The following CMTM4 variants were observed in gnomAD, a reference collection of about 807,000 sequenced individuals.
CMTM4 encodes CKLF like MARVEL transmembrane domain containing 4.
CMTM4 carries 8 observed loss-of-function variants against 19.0 expected under a neutral mutation model. That is an observed-to-expected ratio of 0.42 (90% confidence interval 0.25 to 0.76). The LOEUF is 0.76. Among genes scored for constraint, CMTM4 ranks in the 30% least tolerant of loss-of-function variants. CMTM4 has a pLI of 0.27. For missense variants in CMTM4, 228 were observed against 290.2 expected (o/e 0.79, Z 1.56); for synonymous variants, 106 against 121.1 (o/e 0.88, Z 0.82).
chr16:66,695,365 A>T (rs770604849), intron 1 of CMTM4, among the ~76,000 whole-genome samples: 1 of 152,146 alleles, frequency 6.6e-6, no homozygotes, highest in African/African-American at 2.4e-5. Context: ...GAGAGAGAAC[A>T]AGAACAAGTG....
intron 1 of CMTM4, among the ~76,000 whole-genome samples, chr16:66,670,737 T>C (rs1596950985): frequency 6.6e-6 from 1 of 151,390 alleles, no homozygotes; most frequent in African/African-American, 2.4e-5. Context: ...GAGGTGGAGG[T>C]TGCAGTGAGC....
At chr16:66,626,410 C>A (rs537769240) in intron 2 of CMTM4, among the ~76,000 whole-genome samples, 1 of 152,092 alleles carries the variant, frequency 6.6e-6, no homozygotes, top group African/African-American at 2.4e-5. Flanking sequence ...TCAAGACCAC[C>A]CCTAGGCAAT....
intron 2 of CMTM4, among the ~76,000 whole-genome samples, chr16:66,628,523 C>T (rs1044622442): frequency 5.9e-5 from 9 of 152,216 alleles, no homozygotes; most frequent in African/African-American, 2.2e-4. Flanking sequence ...TAACAAGGCA[C>T]GTCCTGCACA....
intron 1 of CMTM4, among the ~76,000 whole-genome samples, chr16:66,674,054 G>C (rs2016760530): frequency 6.6e-6 from 1 of 152,262 alleles, no homozygotes; most frequent in Non-Finnish European, 1.5e-5. Context: ...CCAGTTGGCA[G>C]AGGAGGAAGC....
chr16:66,624,065 T>C (rs1044875375), intron 2 of CMTM4, among the ~76,000 whole-genome samples: 19 of 152,242 alleles, frequency 1.2e-4, no homozygotes, highest in African/African-American at 4.6e-4. Flanking sequence ...TAGCTCGTCT[T>C]ATTTGTAGAA....
chr16:66,603,053 C>A, the CMTM4 span, among the ~76,000 whole-genome samples: 3 of 152,164 alleles, frequency 2.0e-5, no homozygotes, highest in Non-Finnish European at 2.9e-5. Context: ...GGAACCAGTT[C>A]CAGGGTAAGG....
At chr16:66,679,914 G>A (rs187747061) in intron 1 of CMTM4, among the ~76,000 whole-genome samples, 43 of 151,992 alleles carry the variant, frequency 2.8e-4, no homozygotes, top group Non-Finnish European at 5.3e-4. Flanking sequence ...AAACTCACAC[G>A]GGGGCTCTGG....
chr16:66,692,643 C>T (rs758961527), intron 1 of CMTM4, among the ~76,000 whole-genome samples: 9 of 152,186 alleles, frequency 5.9e-5, no homozygotes, highest in Non-Finnish European at 8.8e-5. Flanking sequence ...CAGGGGCTCA[C>T]GCCTGTAACC....
intron 1 of CMTM4, among the ~76,000 whole-genome samples, chr16:66,678,683 T>C (rs2016851857): frequency 6.6e-6 from 1 of 152,228 alleles, no homozygotes; most frequent in Non-Finnish European, 1.5e-5. Flanking sequence ...TTGAAATTGA[T>C]TTCATGGAAC....
intron 1 of CMTM4, among the ~76,000 whole-genome samples, chr16:66,640,479 A>C (rs1404433449): frequency 1.3e-5 from 2 of 152,120 alleles, no homozygotes; most frequent in African/African-American, 4.8e-5. Flanking sequence ...AGGGAGAATC[A>C]CAGGAGGGAG....
At chr16:66,666,259 T>C (rs960261641) in intron 1 of CMTM4, among the ~76,000 whole-genome samples, 5 of 152,070 alleles carry the variant, frequency 3.3e-5, no homozygotes, top group Admixed American at 6.6e-5. Flanking sequence ...GAGACCATCC[T>C]GACTAACACG....
intron 1 of CMTM4, among the ~76,000 whole-genome samples, chr16:66,660,655 G>T (rs1324603015): frequency 2.6e-5 from 4 of 152,204 alleles, no homozygotes; most frequent in African/African-American, 9.6e-5. Flanking sequence ...TAACTTAGAG[G>T]TATTTTCTAA....
intron 1 of CMTM4, among the ~76,000 whole-genome samples, chr16:66,681,662 G>A (rs1481236220): frequency 3.3e-5 from 5 of 151,980 alleles, no homozygotes; most frequent in South Asian, 2.1e-4. Flanking sequence ...ATCTCAATTC[G>A]TACCAGCCAC....
In CMTM4 at chr16:66,622,205, C is replaced by T. The variant is rs200197369; in HGVS notation, c.480G>A (p.Ala160=). 10 of 1,613,714 alleles carry T rather than the reference C, an allele frequency of 6.2e-6. No homozygotes were observed. The highest frequency in any genetic ancestry group is 2.2e-5 in the East Asian group (1 of 44,896). The change falls in exon 4 of 4, where the codon GCG becomes GCA. Residue 160 remains alanine, a synonymous_variant. Coordinates refer to ENST00000394106, the MANE Select transcript of CMTM4 (RefSeq NM_181521.3). The surrounding 1 kb of genome is among the most constrained non-coding windows in gnomAD (Gnocchi z 4.0). ...EIAAVIFGFL[A]TAAYAVNTFL... ...ATGTGTTCACTGCATATGCCGCAGT[C>T]GCCAAGAAGCCAAATATCTAAAAAC...
chr16:66,665,867 G>A (rs1374642856), intron 1 of CMTM4, among the ~76,000 whole-genome samples: 9 of 151,562 alleles, frequency 5.9e-5, no homozygotes, highest in South Asian at 4.2e-4. Flanking sequence ...TTAGGAGTTC[G>A]AGACCAGCCT....
At chr16:66,689,357 G>A (rs537917398) in intron 1 of CMTM4, among the ~76,000 whole-genome samples, 7 of 152,238 alleles carry the variant, frequency 4.6e-5, no homozygotes, top group Middle Eastern at 3.4e-3. Context: ...GAAAAGTACT[G>A]AATTTTGTCA....
chr16:66,610,661 C>A (rs1342311133), downstream of CMTM4, among the ~76,000 whole-genome samples: 2 of 152,122 alleles, frequency 1.3e-5, no homozygotes, highest in African/African-American at 2.4e-5. The surrounding 1 kb of genome is among the most constrained non-coding windows in gnomAD (Gnocchi z 4.6). Context: ...AGAGCAGAGA[C>A]AGCAGGCGCT....
At chr16:66,610,428 G>A (rs2015333155), downstream of CMTM4, among the ~76,000 whole-genome samples, 1 of 152,148 alleles carries the variant, frequency 6.6e-6, no homozygotes, top group Non-Finnish European at 1.5e-5. The surrounding 1 kb of genome is among the most constrained non-coding windows in gnomAD (Gnocchi z 4.6). Flanking sequence ...CGTGGCAAGG[G>A]ACAGATGATG....
At chr16:66,649,463 T>C (rs1263787026) in intron 1 of CMTM4, among the ~76,000 whole-genome samples, 1 of 138,798 alleles carries the variant, frequency 7.2e-6, no homozygotes, top group Non-Finnish European at 1.5e-5. Context: ...TCTATCCATC[T>C]ATCTATCTAT....
Sources: allele counts gnomAD v4.1 joint callset (sites outside exome capture counted in the v4.1 genomes callset), GRCh38; gene constraint gnomAD v4.1.1; non-coding constraint Gnocchi (gnomAD v3.1); transcripts MANE v1.5; gene names NCBI Gene and HGNC (gene_info 2026-07-23, HGNC 2026-07-21).